Variants in MINK1 observed in about 807,000 individuals in gnomAD.
MINK1 encodes misshapen-like kinase 1.
MINK1 carries 46 observed loss-of-function variants against 178.4 expected under a neutral mutation model. The ratio of observed to expected loss-of-function variants is 0.26; its 90% CI spans 0.20 to 0.33. MINK1 has a LOEUF of 0.33. Among genes scored for constraint, MINK1 ranks in the 10% least tolerant of loss-of-function variants. MINK1 has a pLI of 1.00. For missense variants in MINK1, 1,366 were observed against 1,814.9 expected, an observed-to-expected ratio of 0.75 and a Z score of 4.49; for synonymous variants, 797 against 709.7, an observed-to-expected ratio of 1.12 and a Z score of -1.96.
At position 4,887,645 on chromosome 17, in the gene MINK1, A is replaced by G; in HGVS notation, c.1085A>G (p.Asn362Ser). The change falls in exon 12 of 32, where the codon AAT becomes AGT. Residue 362 changes from asparagine to serine, a missense_variant. By Grantham distance (46) the Asn-to-Ser change is conservative. Coordinates refer to ENST00000355280, the MANE Select transcript of MINK1 (RefSeq NM_153827.5). The surrounding 1 kb of genome is among the most constrained non-coding windows in gnomAD (Gnocchi z 7.6). ...RREFLRLQQE[N>S]KSNSEALKQQ... is the part of the protein sequence containing the mutation. The stretch of plus-strand genomic sequence containing the variant: ...GAGTTTCTCCGGCTCCAGCAGGAAA[A>G]TAAGAGCAACTCAGAGGCTTTAAAA... The G allele has an allele frequency of 6.4e-7, 1 of 1,568,036 alleles. No homozygotes were observed. The highest frequency in any genetic ancestry group is 8.6e-7 in the Non-Finnish European group (1 of 1,158,744).
chr17:4,880,901 A>G (rs1967640082), intron 2 of MINK1, 83 bp from the exon 3 acceptor site: 1 of 1,342,370 alleles, frequency 7.4e-7, no homozygotes, highest in Non-Finnish European at 9.8e-7. Context: ...CCCTGTCTCA[A>G]AAAAAAAAGC....
rs1969490673 is a variant in MINK1, at chr17:4,896,464, C to T, written c.3651C>T (p.Phe1217=). 1.2e-6 allele frequency: 2 copies of T among 1,613,960 alleles called. No homozygotes were observed. Among genetic ancestry groups the T allele is most frequent in the Admixed American group, 1.7e-5 (1 of 60,014 alleles). ...AGATCACGCCCCATGCCATCATCTTCCTCCCCAACACCGACGGCATGGAGA... is the reference window on the plus strand; with the variant it reads ...AGATCACGCCCCATGCCATCATCTTTCTCCCCAACACCGACGGCATGGAGA... The part of the protein sequence containing the change: ...QSQITPHAII[F]LPNTDGMEML... Residue 1217 remains phenylalanine, a synonymous_variant, in exon 30 of 32, where the codon TTC becomes TTT. Coordinates refer to ENST00000355280, the MANE Select transcript of MINK1 (RefSeq NM_153827.5). This position sits in a 1 kb window ranked among gnomAD's most constrained non-coding sequence, Gnocchi z 4.6.
At chr17:4,891,850 G>A (rs762438278) in intron 16 of MINK1, 134 bp downstream of exon 16, 25 of 1,295,232 alleles carry the variant, frequency 1.9e-5, no homozygotes, top group East Asian at 2.5e-5. Context: ...CTGCCCTGCC[G>A]GGGTCAGCCG....
intron 1 of MINK1, among the ~76,000 whole-genome samples, chr17:4,840,579 G>A (rs1382250957): frequency 1.3e-5 from 2 of 152,136 alleles, no homozygotes; most frequent in Non-Finnish European, 2.9e-5. Context: ...TAGCCTAAGG[G>A]GTGCCTGGAG....
rs758569808 is a variant in MINK1, at chr17:4,892,200, G to A, written c.2053G>A (p.Gly685Arg). ...CACTGCCCTTAACACCAGTGGGGCCGGAGGGTCCCGGCCAGCCCAGGCAGT... is the reference window on the plus strand; with the variant it reads ...CACTGCCCTTAACACCAGTGGGGCCAGAGGGTCCCGGCCAGCCCAGGCAGT... ...IATALNTSGA[G>R]GSRPAQAVRA... Residue 685 changes from glycine (G) to arginine (R), a missense_variant, in exon 17 of 32, where the codon GGA (glycine) becomes AGA (arginine). Transcript: ENST00000355280. The A allele has an allele frequency of 1.6e-5, 25 of 1,597,952 alleles. No homozygotes were observed. The highest frequency in any genetic ancestry group is 4.0e-5 in the African/African-American group (3 of 74,510).
At chr17:4,877,635 G>C (rs1967301735) in intron 1 of MINK1, among the ~76,000 whole-genome samples, 1 of 151,894 alleles carries the variant, frequency 6.6e-6, no homozygotes, top group South Asian at 2.1e-4. Context: ...GGAACCATCT[G>C]AAGCATTTGA....
rs777573940 is a variant in MINK1 at position 4,885,273 on chromosome 17, G to A, written c.509-210G>A. On this transcript the variant is annotated intron_variant, in intron 6 of 31. Transcript: ENST00000355280. This position sits in a 1 kb window ranked among gnomAD's most constrained non-coding sequence, Gnocchi z 5.0. ...GGCCCTCCTGCCTGGGATGCTGTCC[G>A]TGATCCTTTTACCTGGGTTTTTCTC... Among the ~76,000 whole-genome samples, 1 of 152,142 alleles carries A rather than the reference G, an allele frequency of 6.6e-6. No homozygotes were observed. The highest frequency in any genetic ancestry group is 2.4e-5 in the African/African-American group (1 of 41,414).
Position 4,887,201 on chromosome 17 carries a change from G to C in MINK1, c.1019+22G>C, listed in dbSNP as rs764941009. The C allele has an allele frequency of 1.3e-6, 2 of 1,587,784 alleles. No homozygotes were observed. The highest frequency in any genetic ancestry group is 1.8e-5 in the Admixed American group (1 of 55,664). Reference sequence around the variant, plus strand: ...CAAGGTAGGCCTGGCAGGTGGAGTGGGGGTTGGGGCGGTCATCGCTGAGTG... The same window carrying C: ...CAAGGTAGGCCTGGCAGGTGGAGTGCGGGTTGGGGCGGTCATCGCTGAGTG... On this transcript the variant is annotated intron_variant, in intron 11 of 31. Coordinates refer to ENST00000355280, the MANE Select transcript of MINK1 (RefSeq NM_153827.5). This position sits in a 1 kb window ranked among gnomAD's most constrained non-coding sequence, Gnocchi z 7.6.
In MINK1 at chr17:4,886,337, A is replaced by G. The variant is rs1021065851; in HGVS notation, c.774-114A>G. On this transcript the variant is annotated intron_variant, in intron 9 of 31. Coordinates refer to ENST00000355280, the MANE Select transcript of MINK1 (RefSeq NM_153827.5). This position sits in a 1 kb window ranked among gnomAD's most constrained non-coding sequence, Gnocchi z 6.1. ...GCAGAGGGCGGTGACTGGTGTTGGG[A>G]TATGAAGACAGGAGGGACGTCAAGG... The G allele has an allele frequency of 6.7e-7, 1 of 1,491,382 alleles. No homozygotes were observed. The highest frequency in any genetic ancestry group is 1.4e-5 in the African/African-American group (1 of 72,500). 92.4% of individuals were successfully genotyped at this position (1,491,382 alleles called of 1,614,324 possible). A position where few individuals can be genotyped will look rare whatever the true frequency, so the allele number is the denominator to read the frequency against.
intron 1 of MINK1, among the ~76,000 whole-genome samples, chr17:4,834,493 C>T (rs949792952): frequency 2.0e-5 from 3 of 152,168 alleles, no homozygotes; most frequent in African/African-American, 7.2e-5. Flanking sequence ...ATGGAGACCT[C>T]TCAAGGTAGG....
chr17:4,848,166 G>C (rs1214789496), intron 1 of MINK1, among the ~76,000 whole-genome samples: 9 of 152,162 alleles, frequency 5.9e-5, no homozygotes, highest in Admixed American at 5.9e-4. Context: ...AGGAGGAAGA[G>C]CAGTCAGAAC....
intron 1 of MINK1, among the ~76,000 whole-genome samples, chr17:4,847,881 A>T (rs1241527936): frequency 6.6e-6 from 1 of 151,958 alleles, no homozygotes. Flanking sequence ...AATAAAGGGA[A>T]GTTTCAGAAA....
chr17:4,847,361 C>T, intron 1 of MINK1: 1 of 404,514 alleles, frequency 2.5e-6, no homozygotes, highest in Non-Finnish European at 5.0e-6. Context: ...GCCTCAGCCT[C>T]TAGCGTAGCT....
chr17:4,881,051 G>C lies in MINK1; in HGVS notation c.180+11G>C. 1 of 1,533,746 alleles carries C rather than the reference G, an allele frequency of 6.5e-7. No individual in the cohort carries two copies. The highest frequency in any genetic ancestry group is 1.4e-5 in the African/African-American group (1 of 73,116). On this transcript the variant is annotated intron_variant, in intron 3 of 31. Transcript: ENST00000355280. The stretch of plus-strand genomic sequence containing the variant: ...ATGGATGTCACGGAGGTAGGGAGTG[G>C]AGCTGGGCAGTGGGAGGGTCGGACC...
intron 1 of MINK1, among the ~76,000 whole-genome samples, chr17:4,840,093 A>G (rs556172622): frequency 3.3e-5 from 5 of 152,218 alleles, no homozygotes; most frequent in East Asian, 1.9e-4. Flanking sequence ...GGGCTGTGTC[A>G]TGGAAAAAAA....
intron 1 of MINK1, among the ~76,000 whole-genome samples, chr17:4,848,787 G>A (rs190897234): frequency 2.0e-5 from 3 of 152,272 alleles, no homozygotes; most frequent in Admixed American, 6.5e-5. Flanking sequence ...CTAAGCCACC[G>A]CGAACCTGGC....
In MINK1 at chr17:4,891,683, C is replaced by T. The variant is rs1032248156; in HGVS notation, c.1968C>T (p.Ala656=). The T allele has an allele frequency of 1.2e-6, 2 of 1,602,480 alleles. No individual in the cohort carries two copies. The highest frequency in any genetic ancestry group is 1.7e-6 in the Non-Finnish European group (2 of 1,175,256). ...CTGGCCCCAGCCCGAATCCCCCAGC[C>T]TGGGTCCGCCCAGATAACGAGGCCC... ...EGPGPSPNPP[A]WVRPDNEAPP... is the part of the protein sequence containing the mutation. Residue 656 remains alanine, a synonymous_variant, in exon 16 of 32, where the codon GCC becomes GCT. Coordinates refer to ENST00000355280, the MANE Select transcript of MINK1 (RefSeq NM_153827.5).
chr17:4,893,223 C>A (rs1035999732), intron 20 of MINK1, 156 bp downstream of exon 20: 297 of 1,521,744 alleles, frequency 2.0e-4, no homozygotes, highest in Middle Eastern at 3.5e-4. Context: ...CTTTCCTAAC[C>A]TCTCTCCTAA....
chr17:4,837,240 G>C (rs1478657331), intron 1 of MINK1, among the ~76,000 whole-genome samples: 1 of 152,154 alleles, frequency 6.6e-6, no homozygotes, highest in Non-Finnish European at 1.5e-5. Flanking sequence ...GATTTTGGCT[G>C]TTTTGTTCAT....
Sources: gnomAD v4.1 joint callset for allele counts (sites outside exome capture counted in the v4.1 genomes callset) on GRCh38, gnomAD v4.1.1 for gene constraint, Gnocchi (gnomAD v3.1) non-coding constraint, MANE v1.5 for transcripts, NCBI Gene and HGNC (gene_info 2026-07-23, HGNC 2026-07-21) for gene names.